DPYD: variants seen among roughly 807,000 people sequenced by gnomAD.
The protein encoded by DPYD is dihydropyrimidine dehydrogenase, also known as dihydropyrimidine dehydrogenase [NADP(+)].
A neutral mutation model predicts 116.2 loss-of-function variants in DPYD; 109 were observed. The observed-to-expected ratio is 0.94, with a 90% confidence interval of 0.80 to 1.10. The LOEUF (loss-of-function observed/expected upper bound fraction) is 1.10. Among genes scored for constraint, DPYD ranks in the 50% least tolerant of loss-of-function variants. DPYD has a pLI of 0.00. For missense variants in DPYD, 1,302 were observed against 1,254.5 expected, an observed-to-expected ratio of 1.04 and a Z score of -0.57; for synonymous variants, 440 against 432.0, an observed-to-expected ratio of 1.02 and a Z score of -0.23.
At chr1:97,349,742 A>G (rs1670043669) in intron 16 of DPYD, among the ~76,000 whole-genome samples, 1 of 152,036 alleles carries the variant, frequency 6.6e-6, no homozygotes, top group Non-Finnish European at 1.5e-5. Flanking sequence ...AATCCAGTCT[A>G]TCGTTGTTGG....
chr1:97,506,221 T>C (rs1647313275), intron 13 of DPYD, among the ~76,000 whole-genome samples: 2 of 151,958 alleles, frequency 1.3e-5, no homozygotes, highest in Admixed American at 1.3e-4. Context: ...AATCATGGTA[T>C]AAAGTATTTA....
At chr1:97,553,754 T>A (rs1408761752) in intron 11 of DPYD, among the ~76,000 whole-genome samples, 2 of 152,072 alleles carry the variant, frequency 1.3e-5, no homozygotes, top group Non-Finnish European at 2.9e-5. Context: ...TGATGGAGAC[T>A]GTGGCATATG....
chr1:97,195,614 ATG>A lies in DPYD; in HGVS notation c.2443-2368_2443-2367del, dbSNP rs1658722121. On this transcript the variant is annotated intron_variant, in intron 19 of 22. Transcript: ENST00000370192. ...TATATATGTGTGTGTGTGTATATAT[ATG>A]TATGTGTATATGTATGTGTATATAT... 7.1e-5 allele frequency among the ~76,000 whole-genome samples: 8 copies of A among 112,912 alleles called. 1 individual carries two copies. The South Asian group carries it at 1.2e-3, about 17-fold the overall frequency. The allele number at this position is 112,912 out of a possible 152,430, so 74.1% of individuals were successfully genotyped here. A position where few individuals can be genotyped will look rare whatever the true frequency, so the allele number is the denominator to read the frequency against.
chr1:97,897,660 G>T (rs1381336764), intron 1 of DPYD, among the ~76,000 whole-genome samples: 1 of 151,750 alleles, frequency 6.6e-6, no homozygotes, highest in East Asian at 1.9e-4. Flanking sequence ...ATTATCCAGT[G>T]TGTTTTTCAT....
intron 18 of DPYD, among the ~76,000 whole-genome samples, chr1:97,286,031 T>C (rs1665655753): frequency 6.6e-6 from 1 of 152,226 alleles, no homozygotes; most frequent in South Asian, 2.1e-4. Flanking sequence ...ATCTTTACAA[T>C]TTGGCATGAT....
At chr1:97,719,613 C>A in intron 5 of DPYD, 1 of 747,600 alleles carries the variant, frequency 1.3e-6, no homozygotes, top group Non-Finnish European at 1.6e-6. Context: ...AACGGAGTTA[C>A]TCGTTTTGTT....
chr1:97,191,431 A>G (rs1161361978), intron 20 of DPYD, among the ~76,000 whole-genome samples: 1 of 152,134 alleles, frequency 6.6e-6, no homozygotes, highest in Non-Finnish European at 1.5e-5. Flanking sequence ...TAATATAATC[A>G]CATAGAAAAA....
At chr1:97,208,007 G>T (rs981310757) in intron 19 of DPYD, among the ~76,000 whole-genome samples, 1 of 152,052 alleles carries the variant, frequency 6.6e-6, no homozygotes, top group Non-Finnish European at 1.5e-5. Flanking sequence ...TAAATGATTT[G>T]CTTCCTCTAA....
rs1657033240 is a variant in DPYD, at chr1:97,628,001, T to C, written c.851-32835A>G. 2.0e-5 allele frequency among the ~76,000 whole-genome samples: 3 copies of C among 151,938 alleles called. No individual in the cohort carries two copies. The South Asian group carries it at 6.2e-4, about 31-fold the overall frequency. On this transcript the variant is annotated intron_variant, in intron 8 of 22. Coordinates refer to ENST00000370192, the MANE Select transcript of DPYD (RefSeq NM_000110.4). ...ATCTGCTAGCAAAAAGACAATTGCA[T>C]GGACAAAGATAATGATAGTAGGAAT...
intron 2 of DPYD, among the ~76,000 whole-genome samples, chr1:97,858,367 A>G (rs1558012818): frequency 6.6e-6 from 1 of 152,152 alleles, no homozygotes; most frequent in African/African-American, 2.4e-5. Context: ...CAAAATTATG[A>G]TTTTTTGTTT....
At chr1:97,456,725 C>T (rs1288617703) in intron 13 of DPYD, among the ~76,000 whole-genome samples, 1 of 152,000 alleles carries the variant, frequency 6.6e-6, no homozygotes, top group Non-Finnish European at 1.5e-5. Flanking sequence ...TCTGTGACAC[C>T]AGGACCAGTA....
intron 12 of DPYD, among the ~76,000 whole-genome samples, chr1:97,522,486 G>A (rs1188640691): frequency 6.6e-6 from 1 of 152,124 alleles, no homozygotes; most frequent in East Asian, 1.9e-4. Context: ...ACTTTGGGAG[G>A]CTGAGGTGCG....
At chr1:97,665,179 AAC>A (rs1659491176) in intron 8 of DPYD, among the ~76,000 whole-genome samples, 1 of 152,178 alleles carries the variant, frequency 6.6e-6, no homozygotes, top group African/African-American at 2.4e-5. Flanking sequence ...GTACTCCATT[AAC>A]CAAATATTTC....
chr1:97,318,277 C>T (rs1246975677), intron 16 of DPYD, among the ~76,000 whole-genome samples: 3 of 130,444 alleles, frequency 2.3e-5, no homozygotes, highest in Non-Finnish European at 5.2e-5. Flanking sequence ...TTAAAAGACA[C>T]AGACTGGCAA....
At chr1:97,631,502 AC>A (rs1192072530) in intron 8 of DPYD, among the ~76,000 whole-genome samples, 4 of 152,054 alleles carry the variant, frequency 2.6e-5, no homozygotes, top group African/African-American at 9.7e-5. Context: ...GCTTATGTGA[AC>A]CCAATCTGAG....
At chr1:97,179,830 T>C (rs1190081187) in intron 20 of DPYD, among the ~76,000 whole-genome samples, 2 of 152,140 alleles carry the variant, frequency 1.3e-5, no homozygotes, top group African/African-American at 2.4e-5. Context: ...CTTTTTAAGA[T>C]TATACAGCAT....
intron 18 of DPYD, among the ~76,000 whole-genome samples, chr1:97,235,878 T>C (rs1256714405): frequency 6.6e-6 from 1 of 152,198 alleles, no homozygotes; most frequent in Admixed American, 6.5e-5. Flanking sequence ...TAGAAAGTTT[T>C]AATCAAGTTA....
chr1:97,173,635 C>T (rs1657044314), intron 20 of DPYD, among the ~76,000 whole-genome samples: 1 of 149,774 alleles, frequency 6.7e-6, no homozygotes, highest in Non-Finnish European at 1.5e-5. Flanking sequence ...TACTGCAGTG[C>T]CTGGCATGGA....
At chr1:97,701,678 A>C (rs1661606181) in intron 5 of DPYD, among the ~76,000 whole-genome samples, 1 of 151,876 alleles carries the variant, frequency 6.6e-6, no homozygotes, top group Non-Finnish European at 1.5e-5. Flanking sequence ...ACACATAAGG[A>C]ACATCCAAAC....
Sources: allele counts gnomAD v4.1 joint callset (sites outside exome capture counted in the v4.1 genomes callset), GRCh38; gene constraint gnomAD v4.1.1; transcripts MANE v1.5; gene names NCBI Gene and HGNC (gene_info 2026-07-23, HGNC 2026-07-21).